Variants in FRMD4A observed in about 807,000 individuals in gnomAD.
FRMD4A encodes FERM domain-containing protein 4A.
FRMD4A carries 29 observed loss-of-function variants against 129.1 expected under a neutral mutation model. That is an observed-to-expected ratio of 0.22 (90% CI 0.17 to 0.31). FRMD4A has a LOEUF of 0.31. FRMD4A is among the 10% of genes least tolerant of loss of function. The pLI, the probability that FRMD4A is intolerant of heterozygous loss-of-function variation, is 1.00. For missense variants in FRMD4A, 1,272 were observed against 1,375.8 expected, an observed-to-expected ratio of 0.92 and a Z score of 1.19; for synonymous variants, 634 against 571.6, an observed-to-expected ratio of 1.11 and a Z score of -1.56.
chr10:13,983,958 G>A (rs1431061475), intron 2 of FRMD4A, among the ~76,000 whole-genome samples: 1 of 151,858 alleles, frequency 6.6e-6, no homozygotes, highest in Admixed American at 6.6e-5. Flanking sequence ...AGCCGAGACT[G>A]CGCCACTGTA....
chr10:13,723,762 A>G (rs1288189029), intron 12 of FRMD4A, among the ~76,000 whole-genome samples: 1 of 152,222 alleles, frequency 6.6e-6, no homozygotes, highest in African/African-American at 2.4e-5. Context: ...CACAGGGGGA[A>G]GGTAGAAGAT....
rs1420262494 is a variant in FRMD4A, at chr10:13,660,313, C to T, written c.1898+3G>A. ...ATTTGGCCTCATTCACGATGCAGCT[C>T]ACCTGGAATGGCTGTGAGAGGAGCG... On this transcript the variant is annotated splice_donor_region_variant and intron_variant, in intron 20 of 24. Transcript: ENST00000357447. 6.3e-7 allele frequency: 1 copy of T among 1,592,954 alleles called. No individual in the cohort carries two copies. The highest frequency in any genetic ancestry group is 8.6e-7 in the Non-Finnish European group (1 of 1,160,700).
intron 2 of FRMD4A, among the ~76,000 whole-genome samples, chr10:14,280,877 C>A (rs1845494868): frequency 6.6e-6 from 1 of 152,002 alleles, no homozygotes; most frequent in African/African-American, 2.4e-5. Flanking sequence ...CATTGAAGCC[C>A]CAGCCCCTGT....
rs139685509 is a variant in FRMD4A, at chr10:14,272,887, C to T, written c.45+57171G>A. ...TTTATGAATATTTTACTCAAATAGA[C>T]GTCTTGGTCTTTGAAATATCTTCCT... On this transcript the variant is annotated intron_variant, in intron 2 of 24. Coordinates refer to ENST00000357447, the MANE Select transcript of FRMD4A (RefSeq NM_018027.5). 1.4e-4 allele frequency among the ~76,000 whole-genome samples: 21 copies of T among 152,198 alleles called. No homozygotes were observed. The East Asian group carries it at 3.9e-3, about 28-fold the overall frequency.
chr10:13,761,175 TG>T (rs1554884986), intron 8 of FRMD4A, among the ~76,000 whole-genome samples: 2 of 152,188 alleles, frequency 1.3e-5, no homozygotes, highest in Non-Finnish European at 2.9e-5. Flanking sequence ...AAAGCAGAGG[TG>T]GGGTATTTTT....
intron 9 of FRMD4A, among the ~76,000 whole-genome samples, chr10:13,743,301 G>C (rs761380515): frequency 6.6e-6 from 1 of 152,152 alleles, no homozygotes; most frequent in African/African-American, 2.4e-5. Flanking sequence ...GCAGAACTGC[G>C]TCAGGAGGTT....
intron 2 of FRMD4A, among the ~76,000 whole-genome samples, chr10:14,276,175 T>G (rs901706940): frequency 6.6e-6 from 1 of 152,222 alleles, no homozygotes; most frequent in Non-Finnish European, 1.5e-5. Flanking sequence ...GTATTTTATA[T>G]TAGTCAACTT....
At chr10:14,079,484 A>T (rs1465367914) in intron 2 of FRMD4A, among the ~76,000 whole-genome samples, 1 of 152,236 alleles carries the variant, frequency 6.6e-6, no homozygotes, top group African/African-American at 2.4e-5. Context: ...CATTAATTAA[A>T]ATTATGGTTC....
chr10:13,839,269 G>T (rs1033570655), intron 3 of FRMD4A, among the ~76,000 whole-genome samples: 2 of 152,104 alleles, frequency 1.3e-5, no homozygotes, highest in Admixed American at 6.6e-5. Flanking sequence ...GCCTCTCAAA[G>T]TTCTAGAATT....
chr10:14,000,527 T>C (rs2095638109), intron 2 of FRMD4A, among the ~76,000 whole-genome samples: 1 of 151,086 alleles, frequency 6.6e-6, no homozygotes, highest in South Asian at 2.1e-4. Flanking sequence ...GATGCCTTTA[T>C]TGTCAGCCAC....
chr10:14,259,844 A>C (rs966629264), intron 2 of FRMD4A, among the ~76,000 whole-genome samples: 5 of 152,090 alleles, frequency 3.3e-5, no homozygotes, highest in African/African-American at 1.2e-4. Context: ...ACACCATGAC[A>C]ACCACATTGC....
intron 2 of FRMD4A, among the ~76,000 whole-genome samples, chr10:14,060,761 T>C (rs183400743): frequency 1.4e-3 from 208 of 152,322 alleles, no homozygotes; most frequent in African/African-American, 4.8e-3. Flanking sequence ...ATTTGATTCA[T>C]GTTTTCTGGG....
chr10:13,876,438 A>G (rs1435096148), intron 2 of FRMD4A, among the ~76,000 whole-genome samples: 1 of 152,216 alleles, frequency 6.6e-6, no homozygotes, highest in East Asian at 1.9e-4. Flanking sequence ...TCTCATATAA[A>G]TGTGTGGTCG....
intron 12 of FRMD4A, among the ~76,000 whole-genome samples, chr10:13,719,266 G>A (rs2089178752): frequency 6.6e-6 from 1 of 152,232 alleles, no homozygotes; most frequent in African/African-American, 2.4e-5. Context: ...CACAGCCGAG[G>A]AGCCGTAGCC....
chr10:13,666,002 G>A, intron 18 of FRMD4A, 95 bp downstream of exon 18: 1 of 737,496 alleles, frequency 1.4e-6, no homozygotes, highest in East Asian at 2.4e-5. Flanking sequence ...TTAGGCAGCT[G>A]CTCAGGTCGT....
At chr10:13,723,195 G>A (rs956456391) in intron 12 of FRMD4A, among the ~76,000 whole-genome samples, 16 of 151,976 alleles carry the variant, frequency 1.1e-4, no homozygotes, top group Non-Finnish European at 1.5e-5. Flanking sequence ...GGTTAGCTAG[G>A]TTTTTATGTT....
chr10:14,052,160 G>A (rs1456082417), intron 2 of FRMD4A, among the ~76,000 whole-genome samples: 1 of 152,096 alleles, frequency 6.6e-6, no homozygotes, highest in Non-Finnish European at 1.5e-5. Context: ...ACTAGGAGAG[G>A]GGCATGGAAC....
chr10:14,189,682 A>G (rs908098898), intron 2 of FRMD4A, among the ~76,000 whole-genome samples: 2 of 152,248 alleles, frequency 1.3e-5, no homozygotes, highest in Admixed American at 1.3e-4. Context: ...AAAGAAAAAA[A>G]TAAACAAAAA....
intron 5 of FRMD4A, among the ~76,000 whole-genome samples, chr10:13,787,763 T>A (rs192165111): frequency 0.026 from 4,007 of 151,842 alleles, 109 homozygotes; most frequent in East Asian, 0.09. Flanking sequence ...TTTTTTTTTT[T>A]AATCCAGTTT....
Sources: allele counts gnomAD v4.1 joint callset (sites outside exome capture counted in the v4.1 genomes callset), GRCh38; gene constraint gnomAD v4.1.1; transcripts MANE v1.5; gene names NCBI Gene and HGNC (gene_info 2026-07-23, HGNC 2026-07-21).